TMC1: variants seen among roughly 807,000 people sequenced by gnomAD.
The protein encoded by TMC1 is transmembrane channel like 1, also known as transmembrane channel-like protein 1.
Under a neutral mutation model 105.8 loss-of-function variants are expected in TMC1, and 84 were observed. The ratio of observed to expected loss-of-function variants is 0.79; its 90% CI spans 0.67 to 0.95. The LOEUF is 0.95. TMC1 is among the 40% of genes least tolerant of loss of function. The pLI, the probability that TMC1 is intolerant of heterozygous loss-of-function variation, is 0.00. For synonymous variants in TMC1, 315 were observed against 311.5 expected (o/e 1.01, Z -0.12); for missense variants, 817 against 914.1 (o/e 0.89, Z 1.37).
intron 1 of TMC1, among the ~76,000 whole-genome samples, chr9:72,563,637 G>T (rs1384997831): frequency 6.6e-6 from 1 of 152,102 alleles, no homozygotes; most frequent in African/African-American, 2.4e-5. Context: ...AGTGGCTCAT[G>T]CCTGTAATCC....
rs572353019 is a variant in TMC1, at chr9:72,753,263, T to TA, written c.642+1308dup. ...GTAATGAAGCTGAATGTGTGTATTT[T>TA]ATCTATTTCAAATTAACCCCAGCTT... On this transcript the variant is annotated intron_variant, in intron 11 of 23. Transcript: ENST00000297784. 1.3e-4 allele frequency among the ~76,000 whole-genome samples: 20 copies of TA among 151,412 alleles called. No individual in the cohort carries two copies. In the South Asian group the frequency reaches 4.0e-3, roughly 30 times the overall value.
chr9:72,832,645 C>G (rs927786243), intron 23 of TMC1, among the ~76,000 whole-genome samples: 1 of 152,084 alleles, frequency 6.6e-6, no homozygotes, highest in Non-Finnish European at 1.5e-5. Context: ...AACAAATGTT[C>G]AAGACTTGGT....
Position 72,592,639 on chromosome 9 carries a change from A to T in TMC1, c.-306+14616A>T, listed in dbSNP as rs150080827. On this transcript the variant is annotated intron_variant, in intron 2 of 23. Coordinates refer to ENST00000297784, the MANE Select transcript of TMC1 (RefSeq NM_138691.3). Reference sequence around the variant, plus strand: ...TGAAGCACAAATCAAAGCCATGGTTATGTATCTGTGGGATTATTTGCTAAA... The same window carrying T: ...TGAAGCACAAATCAAAGCCATGGTTTTGTATCTGTGGGATTATTTGCTAAA... 2.4e-4 allele frequency among the ~76,000 whole-genome samples: 37 copies of T among 152,294 alleles called. No individual in the cohort carries two copies. In the East Asian group the frequency reaches 4.4e-3, roughly 18 times the overall value.
At chr9:72,639,667 A>G (rs1825592073) in intron 4 of TMC1, among the ~76,000 whole-genome samples, 1 of 152,140 alleles carries the variant, frequency 6.6e-6, no homozygotes, top group South Asian at 2.1e-4. Context: ...TTACTCTGAC[A>G]TTTGTTATTT....
chr9:72,808,629 A>T (rs1482889896), intron 18 of TMC1, among the ~76,000 whole-genome samples: 1 of 152,182 alleles, frequency 6.6e-6, no homozygotes, highest in Non-Finnish European at 1.5e-5. Flanking sequence ...GGCTGTTTGA[A>T]TGTTGAACCT....
chr9:72,643,806 C>G (rs192937913), intron 4 of TMC1, among the ~76,000 whole-genome samples: 24 of 152,224 alleles, frequency 1.6e-4, no homozygotes, highest in Non-Finnish European at 2.6e-4. Context: ...AGTAGAATGC[C>G]TAAGTCATAT....
At chr9:72,801,854 TA>T (rs1828477880) in intron 17 of TMC1, among the ~76,000 whole-genome samples, 1 of 152,224 alleles carries the variant, frequency 6.6e-6, no homozygotes, top group Non-Finnish European at 1.5e-5. Context: ...AATAAACATT[TA>T]AAATTTTTAA....
Position 72,648,634 on chromosome 9 carries a change from C to T in TMC1, c.-15C>T. ...CTAGCCAGCCACTGAGACCTTCTGA[C>T]AGGACACCCCCAGGATGTCACCCAA... On this transcript the variant is annotated 5_prime_UTR_variant, in exon 5 of 24. Transcript: ENST00000297784. The T allele has an allele frequency of 6.2e-7, 1 of 1,612,648 alleles. No homozygotes were observed. The highest frequency in any genetic ancestry group is 8.5e-7 in the Non-Finnish European group (1 of 1,178,690).
intron 1 of TMC1, among the ~76,000 whole-genome samples, chr9:72,551,516 A>G (rs1250245685): frequency 6.6e-6 from 1 of 152,158 alleles, no homozygotes; most frequent in East Asian, 1.9e-4. Flanking sequence ...GTGGAAGCAG[A>G]TGGTGTGGGG....
chr9:72,808,406 T>C (rs1828639084), intron 18 of TMC1, among the ~76,000 whole-genome samples: 1 of 152,240 alleles, frequency 6.6e-6, no homozygotes, highest in Non-Finnish European at 1.5e-5. Context: ...TGCTCTTCTC[T>C]GACCACCTAT....
At chr9:72,610,036 G>T (rs1286473907) in intron 2 of TMC1, among the ~76,000 whole-genome samples, 1 of 152,034 alleles carries the variant, frequency 6.6e-6, no homozygotes, top group Non-Finnish European at 1.5e-5. Flanking sequence ...AACTATTTGA[G>T]ACCAGGACAC....
chr9:72,737,590 A>G (rs1490028963), intron 8 of TMC1, among the ~76,000 whole-genome samples: 3 of 152,190 alleles, frequency 2.0e-5, no homozygotes, highest in Non-Finnish European at 4.4e-5. Context: ...AACATGGGCA[A>G]GGTCATAGAG....
At chr9:72,545,137 TACAC>T (rs61673540) in intron 1 of TMC1, among the ~76,000 whole-genome samples, 3,810 of 148,080 alleles carry the variant, frequency 0.026, 150 homozygotes, top group African/African-American at 0.089. Flanking sequence ...GATATATATA[TACAC>T]ACACACACAC....
chr9:72,707,053 G>T (rs1416564610), intron 8 of TMC1, among the ~76,000 whole-genome samples: 1 of 152,116 alleles, frequency 6.6e-6, no homozygotes, highest in Non-Finnish European at 1.5e-5. Context: ...GGGATTACAG[G>T]CGTAAGCCAC....
chr9:72,716,010 C>T (rs1206507882), intron 8 of TMC1, among the ~76,000 whole-genome samples: 1 of 152,198 alleles, frequency 6.6e-6, no homozygotes, highest in African/African-American at 2.4e-5. Context: ...TTCTAACCAT[C>T]AGGCCCCTCT....
intron 8 of TMC1, among the ~76,000 whole-genome samples, chr9:72,730,205 G>A (rs1216669006): frequency 2.0e-5 from 3 of 152,206 alleles, no homozygotes; most frequent in Admixed American, 6.5e-5. Flanking sequence ...GGTAGAGAAG[G>A]TTAGAGTAAT....
At chr9:72,580,708 T>A (rs912184410) in intron 2 of TMC1, among the ~76,000 whole-genome samples, 4 of 152,146 alleles carry the variant, frequency 2.6e-5, no homozygotes, top group African/African-American at 9.7e-5. Context: ...AAGCTTGAAT[T>A]CCCAGACGAA....
At chr9:72,604,542 C>T (rs1221895468) in intron 2 of TMC1, among the ~76,000 whole-genome samples, 4 of 152,158 alleles carry the variant, frequency 2.6e-5, no homozygotes, top group Non-Finnish European at 5.9e-5. Flanking sequence ...CTGCACTTAC[C>T]ACCATCCGGC....
intron 12 of TMC1, among the ~76,000 whole-genome samples, chr9:72,758,685 C>G (rs1231667258): frequency 1.3e-5 from 2 of 152,120 alleles, no homozygotes; most frequent in East Asian, 3.9e-4. Context: ...GGAAAGAGTA[C>G]AAGGAAGGAA....
Sources: gnomAD v4.1 joint callset for allele counts (sites outside exome capture counted in the v4.1 genomes callset) on GRCh38, gnomAD v4.1.1 for gene constraint, MANE v1.5 for transcripts, NCBI Gene and HGNC (gene_info 2026-07-23, HGNC 2026-07-21) for gene names.